ITPK1: variants seen among roughly 807,000 people sequenced by gnomAD.
ITPK1 encodes inositol 1,3,4-trisphosphate 5/6-kinase.
ITPK1 carries 21 observed loss-of-function variants against 45.3 expected under a neutral mutation model. The observed-to-expected ratio is 0.46, with a 90% confidence interval of 0.33 to 0.67. The LOEUF (loss-of-function observed/expected upper bound fraction) is 0.67. Ranked by LOEUF, ITPK1 falls within the 30% of genes least tolerant of loss-of-function variation. The pLI is 0.02. For missense variants in ITPK1, 474 were observed against 573.5 expected (o/e 0.83, Z 1.77); for synonymous variants, 258 against 253.6 (o/e 1.02, Z -0.16).
chr14:92,961,281 C>T (rs1027380142), intron 7 of ITPK1, among the ~76,000 whole-genome samples: 3 of 152,314 alleles, frequency 2.0e-5, no homozygotes, highest in East Asian at 1.9e-4. Context: ...GAGGGTGGTA[C>T]GGGCCCTGGC....
intron 3 of ITPK1, among the ~76,000 whole-genome samples, chr14:93,042,703 G>A (rs1253815038): frequency 6.6e-6 from 1 of 152,086 alleles, no homozygotes; most frequent in Non-Finnish European, 1.5e-5. Context: ...GAAGGGCCTC[G>A]GACAAGGAGA....
chr14:93,114,809 G>C (rs1892873171), intron 2 of ITPK1, among the ~76,000 whole-genome samples: 2 of 152,150 alleles, frequency 1.3e-5, no homozygotes, highest in African/African-American at 4.8e-5. Context: ...TGGGCTGCTG[G>C]GGGCCTCCCC....
intron 4 of ITPK1, among the ~76,000 whole-genome samples, chr14:93,008,387 T>C (rs1887724098): frequency 8.2e-6 from 1 of 122,242 alleles, no homozygotes; most frequent in South Asian, 2.3e-4. Context: ...TGTAATGTCT[T>C]TTAGGAGAAC....
chr14:92,977,488 G>A (rs577923957), intron 5 of ITPK1, among the ~76,000 whole-genome samples: 3 of 152,330 alleles, frequency 2.0e-5, no homozygotes, highest in East Asian at 1.9e-4. Context: ...TAAGCCAGCC[G>A]ACGTGGTTTG....
intron 5 of ITPK1, among the ~76,000 whole-genome samples, chr14:92,972,964 A>T (rs1337580000): frequency 6.6e-6 from 1 of 152,052 alleles, no homozygotes; most frequent in East Asian, 1.9e-4. Flanking sequence ...TCCCCACTAT[A>T]TCTCTGGGAT....
At chr14:93,080,741 C>A (rs1250124903) in intron 2 of ITPK1, among the ~76,000 whole-genome samples, 3 of 151,788 alleles carry the variant, frequency 2.0e-5, no homozygotes, top group Non-Finnish European at 4.4e-5. Flanking sequence ...ATAAAAGTTA[C>A]ATTTTTTTTT....
chr14:93,063,274 G>A lies in ITPK1; in HGVS notation c.120+13321C>T, dbSNP rs1890607927. 6.6e-6 allele frequency among the ~76,000 whole-genome samples: 1 copy of A among 152,164 alleles called. No homozygotes were observed. Among genetic ancestry groups the A allele is most frequent in the Admixed American group, 6.5e-5 (1 of 15,280 alleles). On this transcript the variant is annotated intron_variant, in intron 3 of 10. Coordinates refer to ENST00000267615, the MANE Select transcript of ITPK1 (RefSeq NM_014216.6). The surrounding 1 kb of genome is among the most constrained non-coding windows in gnomAD (Gnocchi z 4.3). ...GAGCCAAGGTCTGCCTCCAAGCCAG[G>A]ACCCACACCCTCCTGCCCAGGGACC...
chr14:93,001,150 G>A (rs1416475289), intron 4 of ITPK1, among the ~76,000 whole-genome samples: 1 of 151,304 alleles, frequency 6.6e-6, no homozygotes, highest in Non-Finnish European at 1.5e-5. Flanking sequence ...AAAATTAGCC[G>A]GGCATGGTGG....
intron 3 of ITPK1, among the ~76,000 whole-genome samples, chr14:93,047,923 C>T (rs1195670339): frequency 6.6e-6 from 1 of 152,196 alleles, no homozygotes; most frequent in Non-Finnish European, 1.5e-5. Flanking sequence ...TCACAAGGAG[C>T]ATGAAAAGTG....
chr14:92,968,993 TG>T (rs1247128040), intron 5 of ITPK1, among the ~76,000 whole-genome samples: 1 of 152,172 alleles, frequency 6.6e-6, no homozygotes, highest in African/African-American at 2.4e-5. Flanking sequence ...CATCCCGAGC[TG>T]CCCCCGCTCG....
chr14:92,987,934 T>C (rs944660974), intron 5 of ITPK1, among the ~76,000 whole-genome samples: 1 of 152,188 alleles, frequency 6.6e-6, no homozygotes, highest in Admixed American at 6.5e-5. Flanking sequence ...TGCCGCCTCA[T>C]GCCGGCAACG....
At chr14:92,963,113 A>T (rs1326989847) in intron 5 of ITPK1, among the ~76,000 whole-genome samples, 1 of 152,242 alleles carries the variant, frequency 6.6e-6, no homozygotes, top group Non-Finnish European at 1.5e-5. Context: ...AAAGTAAAAA[A>T]TGTACATATT....
chr14:92,941,674 C>T lies in ITPK1; in HGVS notation c.1132G>A (p.Ala378Thr), dbSNP rs773101530. ...QDAPWKAEAD[A>T]GGTAKLPHQR... ...TGCGGCAGCTTGGCGGTGCCGCCCG[C>T]GTCGGCCTCAGCCTTCCAGGGCGCG... is the stretch of plus-strand genomic sequence containing the variant. The change falls in exon 11 of 11, where the codon GCG becomes ACG. Residue 378 changes from alanine (A) to threonine (T), a missense_variant. Transcript: ENST00000267615. 3.4e-5 allele frequency: 52 copies of T among 1,542,456 alleles called. No individual in the cohort carries two copies. Among genetic ancestry groups the T allele is most frequent in the African/African-American group, 1.1e-4 (8 of 73,126 alleles).
At chr14:93,098,044 C>T (rs146853324) in intron 2 of ITPK1, among the ~76,000 whole-genome samples, 75 of 152,084 alleles carry the variant, frequency 4.9e-4, no homozygotes, top group African/African-American at 1.8e-3. Flanking sequence ...GTGGGCTGGG[C>T]CAGGTGGCTC....
intron 2 of ITPK1, among the ~76,000 whole-genome samples, chr14:93,084,021 G>A (rs1891553988): frequency 6.6e-6 from 1 of 152,238 alleles, no homozygotes; most frequent in African/African-American, 2.4e-5. Context: ...CCTGCCCCCA[G>A]TCAGGCATGG....
At chr14:93,064,053 G>A (rs1270243459) in intron 3 of ITPK1, among the ~76,000 whole-genome samples, 2 of 152,212 alleles carry the variant, frequency 1.3e-5, no homozygotes, top group African/African-American at 4.8e-5. Context: ...GGAGGCCAAG[G>A]TGGGTGGATC....
chr14:93,115,537 G>A (rs1001234335), intron 1 of ITPK1, among the ~76,000 whole-genome samples: 8 of 150,038 alleles, frequency 5.3e-5, no homozygotes, highest in Non-Finnish European at 1.2e-4. Context: ...AGGGCCCGCA[G>A]GAGGGGAAGC....
Position 93,036,081 on chromosome 14 carries a change from T to A in ITPK1, c.121-19280A>T, listed in dbSNP as rs758873627. On this transcript the variant is annotated intron_variant, in intron 3 of 10. Coordinates refer to ENST00000267615, the MANE Select transcript of ITPK1 (RefSeq NM_014216.6). This position sits in a 1 kb window ranked among gnomAD's most constrained non-coding sequence, Gnocchi z 4.1. ...ACTCGCCAAGCCCAAGGCCACCCTT[T>A]CCAAGAAAGGGCTACGAAAGCAATG... is the stretch of plus-strand genomic sequence containing the variant. Among the ~76,000 whole-genome samples the A allele has an allele frequency of 5.9e-5, 9 of 152,188 alleles. No homozygotes were observed. The highest frequency in any genetic ancestry group is 1.0e-4 in the Non-Finnish European group (7 of 68,018).
intron 5 of ITPK1, among the ~76,000 whole-genome samples, chr14:92,979,715 C>T (rs907453631): frequency 2.0e-5 from 3 of 152,106 alleles, no homozygotes; most frequent in Admixed American, 6.5e-5. Context: ...CCTGAGGCCT[C>T]CCTGGCCATA....
Sources: allele counts gnomAD v4.1 joint callset (sites outside exome capture counted in the v4.1 genomes callset), GRCh38; gene constraint gnomAD v4.1.1; non-coding constraint Gnocchi (gnomAD v3.1); transcripts MANE v1.5; gene names NCBI Gene and HGNC (gene_info 2026-07-23, HGNC 2026-07-21).